The following MED17 variants were observed in gnomAD, a reference collection of about 807,000 sequenced individuals.
The protein encoded by MED17 is mediator complex subunit 17, also known as mediator of RNA polymerase II transcription subunit 17.
A neutral mutation model predicts 80.8 loss-of-function variants in MED17; 49 were observed. That is an observed-to-expected ratio of 0.61 (90% confidence interval 0.48 to 0.77). The LOEUF is 0.77. MED17 is among the 30% of genes least tolerant of loss of function. The pLI, the probability that MED17 is intolerant of heterozygous loss-of-function variation, is 0.00. For missense variants in MED17, 718 were observed against 787.0 expected, an observed-to-expected ratio of 0.91 and a Z score of 1.05; for synonymous variants, 281 against 280.4, an observed-to-expected ratio of 1.00 and a Z score of -0.02.
rs1014500973 is a variant in MED17 at position 93,788,153 on chromosome 11, C to T, written c.403C>T (p.Leu135Phe). Residue 135 changes from leucine to phenylalanine, a missense_variant, in exon 2 of 12, where the codon CTT (leucine) becomes TTT (phenylalanine). Leu to Phe is a conservative substitution (Grantham distance 22). Coordinates refer to ENST00000251871, the MANE Select transcript of MED17 (RefSeq NM_004268.5). ...MTLDPVSQDA[L>F]PPKQNPQTLQ... ...TCTTGATCCTGTCTCTCAGGATGCA[C>T]TTCCTCCAAAACAGGTATTTGTGGA... The T allele has an allele frequency of 5.0e-6, 8 of 1,612,214 alleles. No individual in the cohort carries two copies. Among genetic ancestry groups the T allele is most frequent in the African/African-American group, 4.0e-5 (3 of 74,852 alleles).
intron 8 of MED17, among the ~76,000 whole-genome samples, chr11:93,799,984 T>G (rs1022617919): frequency 2.6e-5 from 4 of 152,316 alleles, no homozygotes; most frequent in Admixed American, 2.6e-4. Flanking sequence ...CATTTAATAT[T>G]GTATTGTAAA....
At chr11:93,811,157 G>C (rs1400829002) in intron 11 of MED17, 1 of 152,270 alleles carries the variant, frequency 6.6e-6, no homozygotes, top group Non-Finnish European at 1.5e-5. Flanking sequence ...CTGCAAGCTT[G>C]GTCATTGCTG....
intron 9 of MED17, 90 bp from the exon 10 acceptor site, chr11:93,807,428 T>A (rs1944037829): frequency 1.2e-6 from 1 of 830,366 alleles, no homozygotes. Flanking sequence ...AATAATAATA[T>A]TTTCTAATTT....
chr11:93,800,401 G>A (rs1241406335), intron 8 of MED17, among the ~76,000 whole-genome samples: 3 of 151,516 alleles, frequency 2.0e-5, no homozygotes, highest in South Asian at 4.2e-4. Context: ...GGCCAAGGAG[G>A]GCAGATCACT....
rs570429182 is a variant in MED17 at position 93,811,939 on chromosome 11, C to G, written c.1831C>G (p.Gln611Glu). 1.2e-6 allele frequency: 2 copies of G among 1,613,974 alleles called. No individual in the cohort carries two copies. The highest frequency in any genetic ancestry group is 1.7e-6 in the Non-Finnish European group (2 of 1,179,950). ...CKDLPKSDVLQDNKWSHLRGP... is the reference protein window; with the variant it reads ...CKDLPKSDVLEDNKWSHLRGP... ...AGACCTTCCAAAAAGTGATGTTTTACAAGATAACAAATGGAGTCATCTTCG... is the reference window on the plus strand; with the variant it reads ...AGACCTTCCAAAAAGTGATGTTTTAGAAGATAACAAATGGAGTCATCTTCG... Residue 611 changes from glutamine (Q) to glutamate (E), a missense_variant, in exon 12 of 12, where the codon CAA becomes GAA. Coordinates refer to ENST00000251871, the MANE Select transcript of MED17 (RefSeq NM_004268.5).
At chr11:93,803,999 G>GTA (rs1166820708) in intron 9 of MED17, among the ~76,000 whole-genome samples, 1,022 of 26,636 alleles carry the variant, frequency 0.038, 7 homozygotes, top group Admixed American at 0.07. Context: ...ATATGTGTGT[G>GTA]TATATATATA....
rs1943966957 is a variant in MED17 at position 93,801,913 on chromosome 11, T to C, written c.1407T>C (p.Asp469=). Residue 469 remains aspartate (D), a synonymous_variant, in exon 9 of 12, where the codon GAT becomes GAC. Coordinates refer to ENST00000251871, the MANE Select transcript of MED17 (RefSeq NM_004268.5). The part of the protein sequence containing the change: ...QIQAHWSNIN[D]VYESSVKVLI... ...AGGCTCATTGGTCAAATATCAATGA[T>C]GTTTATGAATCTAGTGTGAAAGTTT... 6.2e-7 allele frequency: 1 copy of C among 1,612,880 alleles called. No homozygotes were observed. Among genetic ancestry groups the C allele is most frequent in the Non-Finnish European group, 8.5e-7 (1 of 1,179,346 alleles).
chr11:93,799,269 G>C (rs1468828460), intron 8 of MED17, among the ~76,000 whole-genome samples: 1 of 151,810 alleles, frequency 6.6e-6, no homozygotes, highest in Non-Finnish European at 1.5e-5. Context: ...TCTGCCTCTC[G>C]GGTTCAAGCG....
intron 3 of MED17, among the ~76,000 whole-genome samples, chr11:93,791,481 G>C (rs1943835890): frequency 6.6e-6 from 1 of 152,176 alleles, no homozygotes; most frequent in Admixed American, 6.5e-5. Context: ...GAGGTGGGCA[G>C]ATTGCTTGAG....
At chr11:93,794,354 G>A (rs1372120946) in intron 5 of MED17, 4 of 293,802 alleles carry the variant, frequency 1.4e-5, no homozygotes, top group South Asian at 1.0e-4. Context: ...ACAGGCATGC[G>A]CCACCATTCC....
rs1461439835 is a variant in MED17 at position 93,793,723 on chromosome 11, A to C, written c.638-5A>C. On this transcript the variant is annotated splice_region_variant and splice_polypyrimidine_tract_variant and intron_variant, in intron 3 of 11. Transcript: ENST00000251871. ...TATATTTTCCTATTTTTAATACAACATTAGGATCTCTCTTTCCTCATCATG... is the reference window on the plus strand; with the variant it reads ...TATATTTTCCTATTTTTAATACAACCTTAGGATCTCTCTTTCCTCATCATG... The C allele has an allele frequency of 1.9e-6, 3 of 1,551,786 alleles. No homozygotes were observed. Among genetic ancestry groups the C allele is most frequent in the Non-Finnish European group, 8.9e-7 (1 of 1,125,452 alleles).
intron 9 of MED17, among the ~76,000 whole-genome samples, chr11:93,802,261 C>G (rs898526842): frequency 2.0e-5 from 3 of 151,942 alleles, no homozygotes; most frequent in Non-Finnish European, 4.4e-5. Flanking sequence ...TGCCCCCATG[C>G]CCAGCTAATT....
chr11:93,802,844 T>G (rs1001468921), intron 9 of MED17, among the ~76,000 whole-genome samples: 1 of 152,226 alleles, frequency 6.6e-6, no homozygotes, highest in African/African-American at 2.4e-5. Flanking sequence ...GAATGCAGTC[T>G]ACTTGATTTA....
Position 93,812,478 on chromosome 11 carries a change from G to A in MED17, c.*414G>A. The A allele has an allele frequency of 3.1e-6, 1 of 327,580 alleles. No individual in the cohort carries two copies. Among genetic ancestry groups the A allele is most frequent in the East Asian group, 6.4e-5 (1 of 15,692 alleles). The allele number at this position is 327,580 out of a possible 1,614,324, so 20.3% of individuals were successfully genotyped here. The stretch of plus-strand genomic sequence containing the variant: ...TTTTGAGATGGTATCTCACTCTGTA[G>A]CCCAGTCTGGAGTGCAGTGGTGTGA... On this transcript the variant is annotated 3_prime_UTR_variant, in exon 12 of 12. Transcript: ENST00000251871.
At position 93,796,194 on chromosome 11, in the gene MED17, A is replaced by C. The variant is rs549988639; in HGVS notation, c.1013-216A>C. ...TCTCAATCCCCTGACCTTGTGATCCACCCACCTTGGCCTCCCAACATGCTG... is the reference window on the plus strand; with the variant it reads ...TCTCAATCCCCTGACCTTGTGATCCCCCCACCTTGGCCTCCCAACATGCTG... On this transcript the variant is annotated intron_variant, in intron 6 of 11. Coordinates refer to ENST00000251871, the MANE Select transcript of MED17 (RefSeq NM_004268.5). The C allele has an allele frequency of 4.9e-4, 245 of 499,224 alleles. 1 individual carries two copies. The highest frequency in any genetic ancestry group is 1.5e-4 in the Non-Finnish European group (40 of 273,586). The allele number at this position is 499,224 out of a possible 1,614,324, so 30.9% of individuals were successfully genotyped here. A position where few individuals can be genotyped will look rare whatever the true frequency, so the allele number is the denominator to read the frequency against.
At position 93,812,148 on chromosome 11, in the gene MED17, T is replaced by G. The variant is rs1944091490; in HGVS notation, c.*84T>G. The G allele has an allele frequency of 6.7e-6, 8 of 1,185,594 alleles. No individual in the cohort carries two copies. The highest frequency in any genetic ancestry group is 2.5e-5 in the South Asian group (2 of 81,192). 73.4% of individuals were successfully genotyped at this position (1,185,594 alleles called of 1,614,324 possible). On this transcript the variant is annotated 3_prime_UTR_variant, in exon 12 of 12. Coordinates refer to ENST00000251871, the MANE Select transcript of MED17 (RefSeq NM_004268.5). ...ATCAACTATAAGCACAAAGAAGAGA[T>G]AACTTCCAAAAGAGTGCTGTTTTTA...
chr11:93,797,489 C>A, intron 7 of MED17, 46 bp from the exon 8 acceptor site: 2 of 1,497,432 alleles, frequency 1.3e-6, no homozygotes, highest in Non-Finnish European at 1.9e-6. Context: ...TATTATGTAG[C>A]ATTTACTATG....
chr11:93,786,820 T>A (rs1299163349), intron 1 of MED17, among the ~76,000 whole-genome samples: 1 of 152,176 alleles, frequency 6.6e-6, no homozygotes, highest in African/African-American at 2.4e-5. Flanking sequence ...CGACTAAAAA[T>A]TTAACCTGCA....
At position 93,800,263 on chromosome 11, in the gene MED17, G is replaced by A. The variant is rs187264535; in HGVS notation, c.1329-1572G>A. Among the ~76,000 whole-genome samples the A allele has an allele frequency of 5.2e-3, 791 of 152,214 alleles. 4 individuals carry two copies. Among genetic ancestry groups the A allele is most frequent in the Non-Finnish European group, 8.5e-3 (579 of 68,022 alleles). On this transcript the variant is annotated intron_variant, in intron 8 of 11. Transcript: ENST00000251871. The stretch of plus-strand genomic sequence containing the variant: ...AAGTCTATTAATGTAAAAGCCCCTT[G>A]TCCCCACTGGCTCTTCTCATTTCTT...
Sources: allele counts gnomAD v4.1 joint callset (sites outside exome capture counted in the v4.1 genomes callset), GRCh38; gene constraint gnomAD v4.1.1; transcripts MANE v1.5; gene names NCBI Gene and HGNC (gene_info 2026-07-23, HGNC 2026-07-21).